SKAP2: variants seen among roughly 807,000 people sequenced by gnomAD.
The protein encoded by SKAP2 is src kinase-associated phosphoprotein 2.
SKAP2 carries 28 observed loss-of-function variants against 54.9 expected under a neutral mutation model. The observed-to-expected ratio is 0.51, with a 90% confidence interval of 0.38 to 0.70. The LOEUF (loss-of-function observed/expected upper bound fraction) is 0.70, where lower values mean the gene tolerates loss of function less well. SKAP2 is among the 30% of genes least tolerant of loss of function. The probability of loss-of-function intolerance (pLI) is 0.00; values close to 1 mark genes in which losing one functional copy is unlikely to be tolerated. For synonymous variants in SKAP2, 137 were observed against 134.3 expected (o/e 1.02, Z -0.14); for missense variants, 356 against 424.1 (o/e 0.84, Z 1.41).
intron 9 of SKAP2, among the ~76,000 whole-genome samples, chr7:26,695,912 C>T (rs187128159): frequency 3.9e-4 from 59 of 152,244 alleles, no homozygotes; most frequent in African/African-American, 1.2e-3. Context: ...AGGACACCAC[C>T]GGCTAGTCCT....
intron 11 of SKAP2, among the ~76,000 whole-genome samples, chr7:26,675,653 C>G (rs1786334574): frequency 6.6e-6 from 1 of 152,130 alleles, no homozygotes; most frequent in Non-Finnish European, 1.5e-5. Flanking sequence ...TAAATATTTT[C>G]TTAAGAAATG....
intron 1 of SKAP2, among the ~76,000 whole-genome samples, chr7:26,860,621 A>C (rs1243179723): frequency 6.6e-6 from 1 of 151,994 alleles, no homozygotes; most frequent in Non-Finnish European, 1.5e-5. Flanking sequence ...GACACTAGAT[A>C]CACCATAAAT....
At chr7:26,759,641 A>G (rs1389597481) in intron 4 of SKAP2, among the ~76,000 whole-genome samples, 1 of 152,208 alleles carries the variant, frequency 6.6e-6, no homozygotes, top group Non-Finnish European at 1.5e-5. Flanking sequence ...CAAAGTTTAC[A>G]AACAGACTCA....
intron 4 of SKAP2, among the ~76,000 whole-genome samples, chr7:26,819,660 T>A (rs1391501157): frequency 6.6e-6 from 1 of 152,162 alleles, no homozygotes; most frequent in Non-Finnish European, 1.5e-5. Context: ...TTCTGAAATG[T>A]TAATTTTTCA....
At chr7:26,854,261 A>G in intron 2 of SKAP2, 99 bp from the exon 3 acceptor site, 1 of 679,312 alleles carries the variant, frequency 1.5e-6, no homozygotes, top group Non-Finnish European at 2.5e-6. Flanking sequence ...TTAAAAATAC[A>G]CACCTAGATA....
At chr7:26,657,537 T>C in the SKAP2 span, among the ~76,000 whole-genome samples, 1 of 152,218 alleles carries the variant, frequency 6.6e-6, no homozygotes, top group African/African-American at 2.4e-5. Flanking sequence ...TGCTGATTAA[T>C]TTAATGTAGC....
intron 9 of SKAP2, among the ~76,000 whole-genome samples, chr7:26,691,440 C>T (rs1786777465): frequency 6.6e-6 from 1 of 152,116 alleles, no homozygotes; most frequent in Non-Finnish European, 1.5e-5. Context: ...AAGAAAACTC[C>T]TAAAACTTTA....
At chr7:26,796,838 G>A (rs1783791670) in intron 4 of SKAP2, among the ~76,000 whole-genome samples, 1 of 152,094 alleles carries the variant, frequency 6.6e-6, no homozygotes, top group Non-Finnish European at 1.5e-5. Context: ...TTAGTTTTGG[G>A]GGAGTCAAAA....
chr7:26,742,845 G>A (rs899396061), intron 4 of SKAP2, among the ~76,000 whole-genome samples: 1 of 152,020 alleles, frequency 6.6e-6, no homozygotes, highest in Non-Finnish European at 1.5e-5. Flanking sequence ...TCTGATGGCA[G>A]GGATGGAAAA....
rs1348357588 is a variant in SKAP2, at chr7:26,725,816, T to G, written c.658+107A>C. ...TGTATTAATAACAGTCACATTCAAG[T>G]TGGTCATTCTCACAGAAGTCAATAA... is the stretch of plus-strand genomic sequence containing the variant. On this transcript the variant is annotated intron_variant, in intron 8 of 12. Transcript: ENST00000345317. 7 of 917,408 alleles carry G rather than the reference T, an allele frequency of 7.6e-6. No individual in the cohort carries two copies. The East Asian group carries it at 1.8e-4, about 23-fold the overall frequency. The allele number at this position is 917,408 out of a possible 1,614,324, so 56.8% of individuals were successfully genotyped here. A position where few individuals can be genotyped will look rare whatever the true frequency, so the allele number is the denominator to read the frequency against.
At chr7:26,743,612 A>C (rs987692107) in intron 4 of SKAP2, among the ~76,000 whole-genome samples, 1 of 152,214 alleles carries the variant, frequency 6.6e-6, no homozygotes, top group African/African-American at 2.4e-5. Context: ...TGCCCGAAAA[A>C]GTAAGGTATA....
chr7:26,804,157 A>C (rs1387985284), intron 4 of SKAP2, among the ~76,000 whole-genome samples: 1 of 152,210 alleles, frequency 6.6e-6, no homozygotes, highest in African/African-American at 2.4e-5. Context: ...GCTTGAGGGG[A>C]TGGATGGCCC....
intron 10 of SKAP2, among the ~76,000 whole-genome samples, chr7:26,690,072 C>A (rs1786748319): frequency 6.6e-6 from 1 of 152,096 alleles, no homozygotes; most frequent in Admixed American, 6.6e-5. Flanking sequence ...GGAAGGAATA[C>A]CTTGTATAAA....
chr7:26,654,892 T>C, the SKAP2 span, among the ~76,000 whole-genome samples: 5 of 152,226 alleles, frequency 3.3e-5, no homozygotes, highest in Non-Finnish European at 7.3e-5. Flanking sequence ...CCTTTTGAAT[T>C]GATAACTCTT....
At chr7:26,835,937 A>C (rs1784699738) in intron 4 of SKAP2, among the ~76,000 whole-genome samples, 1 of 152,222 alleles carries the variant, frequency 6.6e-6, no homozygotes, top group South Asian at 2.1e-4. Flanking sequence ...ATCTGACTTC[A>C]AACTATATTA....
intron 4 of SKAP2, among the ~76,000 whole-genome samples, chr7:26,810,071 C>T (rs758373981): frequency 1.4e-4 from 21 of 152,048 alleles, no homozygotes; most frequent in Non-Finnish European, 2.4e-4. Context: ...CACAGTGGTT[C>T]GCACCCGTAA....
intron 4 of SKAP2, among the ~76,000 whole-genome samples, chr7:26,817,033 CA>C (rs1784278788): frequency 6.6e-6 from 1 of 152,054 alleles, no homozygotes; most frequent in Non-Finnish European, 1.5e-5. Flanking sequence ...CCTCATCAAA[CA>C]AAAATTGTGT....
intron 4 of SKAP2, among the ~76,000 whole-genome samples, chr7:26,752,782 C>G (rs1429724356): frequency 6.6e-6 from 1 of 152,102 alleles, no homozygotes; most frequent in Non-Finnish European, 1.5e-5. Context: ...GGATGAAGAT[C>G]ATCTTAACAC....
chr7:26,808,128 A>G (rs1784066984), intron 4 of SKAP2, among the ~76,000 whole-genome samples: 1 of 152,216 alleles, frequency 6.6e-6, no homozygotes, highest in South Asian at 2.1e-4. Flanking sequence ...GCTATACAGC[A>G]ATAAATAATT....
Sources: gnomAD v4.1 joint callset for allele counts (sites outside exome capture counted in the v4.1 genomes callset) on GRCh38, gnomAD v4.1.1 for gene constraint, MANE v1.5 for transcripts, NCBI Gene and HGNC (gene_info 2026-07-23, HGNC 2026-07-21) for gene names.